The following SIGLEC15 variants were observed in gnomAD, a reference collection of about 807,000 sequenced individuals.
The protein encoded by SIGLEC15 is sialic acid-binding Ig-like lectin 15.
A neutral mutation model predicts 26.2 loss-of-function variants in SIGLEC15; 31 were observed. The ratio of observed to expected loss-of-function variants is 1.18; its 90% CI spans 0.89 to 1.60. The LOEUF is 1.60. Ranked by LOEUF, SIGLEC15 falls within the 40% of genes most tolerant of loss-of-function variation. The pLI, the probability that SIGLEC15 is intolerant of heterozygous loss-of-function variation, is 0.00. For synonymous variants in SIGLEC15, 207 were observed against 221.9 expected, an observed-to-expected ratio of 0.93 and a Z score of 0.60; for missense variants, 501 against 488.4, an observed-to-expected ratio of 1.03 and a Z score of -0.24.
intron 1 of SIGLEC15, among the ~76,000 whole-genome samples, chr18:45,835,949 G>A: frequency 6.6e-6 from 1 of 152,206 alleles, no homozygotes; most frequent in East Asian, 1.9e-4. Context: ...GTCATGACAA[G>A]ACCCTGCACG....
intron 1 of SIGLEC15, among the ~76,000 whole-genome samples, chr18:45,834,772 C>T (rs2048263038): frequency 6.6e-6 from 1 of 152,164 alleles, no homozygotes; most frequent in African/African-American, 2.4e-5. Context: ...GATGAATGCA[C>T]GATAGCAAAT....
At position 45,837,617 on chromosome 18, in the gene SIGLEC15, T is replaced by G; in HGVS notation, c.217T>G (p.Tyr73Asp). The change falls in exon 3 of 6, where the codon TAC (tyrosine) becomes GAC (aspartate). Residue 73 changes from tyrosine to aspartate, a missense_variant. Tyr to Asp is a radical substitution (Grantham distance 160). Coordinates refer to ENST00000389474, the MANE Select transcript of SIGLEC15 (RefSeq NM_213602.3). ...PCTFTHPHRH[Y>D]DGPLTAIWRA... is the part of the protein sequence containing the mutation. ...CACCTTCACGCACCCGCACCGCCAC[T>G]ACGACGGGCCGCTGACGGCCATCTG... is the stretch of plus-strand genomic sequence containing the variant. 1 of 1,509,020 alleles carries G rather than the reference T, an allele frequency of 6.6e-7. No homozygotes were observed. The highest frequency in any genetic ancestry group is 8.8e-7 in the Non-Finnish European group (1 of 1,136,454). The allele number at this position is 1,509,020 out of a possible 1,614,324, so 93.5% of individuals were successfully genotyped here.
chr18:45,829,255 C>A, intron 1 of SIGLEC15: 1 of 688,244 alleles, frequency 1.5e-6, no homozygotes, highest in Non-Finnish European at 1.8e-6. Flanking sequence ...GCCAGATAAC[C>A]CTGAAGCAGA....
chr18:45,827,641 G>C (rs936871337), intron 1 of SIGLEC15, among the ~76,000 whole-genome samples: 20 of 152,190 alleles, frequency 1.3e-4, no homozygotes, highest in Admixed American at 2.0e-4. Context: ...CTGCCACCTT[G>C]AAGAGGAGCT....
intron 5 of SIGLEC15, 39 bp downstream of exon 5, chr18:45,840,280 C>T: frequency 1.3e-6 from 2 of 1,591,842 alleles, no homozygotes; most frequent in Non-Finnish European, 1.7e-6. Context: ...CCTACCCCAC[C>T]CACCTAGTCC....
At chr18:45,837,196 G>A (rs1261232072) in intron 2 of SIGLEC15, 108 bp downstream of exon 2, 1 of 1,518,398 alleles carries the variant, frequency 6.6e-7, no homozygotes, top group African/African-American at 1.4e-5. Flanking sequence ...AAAAACTAAG[G>A]GTAAGAATAT....
chr18:45,832,563 C>A (rs1263813362), intron 1 of SIGLEC15, among the ~76,000 whole-genome samples: 1 of 152,180 alleles, frequency 6.6e-6, no homozygotes, highest in Non-Finnish European at 1.5e-5. Context: ...TCCAGCTGTG[C>A]CAAAGCTAGC....
rs563568515 is a variant in SIGLEC15, at chr18:45,830,475, G to A, written c.52+4695G>A. Reference sequence around the variant, plus strand: ...TGCAAGGAGGCATGAAGGGAGCTATGGGGGGAATTTCGCTATGAAAGACCA... The same window carrying A: ...TGCAAGGAGGCATGAAGGGAGCTATAGGGGGAATTTCGCTATGAAAGACCA... On this transcript the variant is annotated intron_variant, in intron 1 of 5. Coordinates refer to ENST00000389474, the MANE Select transcript of SIGLEC15 (RefSeq NM_213602.3). Among the ~76,000 whole-genome samples the A allele has an allele frequency of 5.3e-4, 81 of 152,272 alleles. 2 individuals carry two copies. Among genetic ancestry groups the A allele is most frequent in the Admixed American group, 1.3e-3 (20 of 15,296 alleles).
At position 45,825,790 on chromosome 18, in the gene SIGLEC15, T is replaced by G. The variant is rs115113388; in HGVS notation, c.52+10T>G. On this transcript the variant is annotated intron_variant, in intron 1 of 5. Coordinates refer to ENST00000389474, the MANE Select transcript of SIGLEC15 (RefSeq NM_213602.3). ...TGGGTTCTCCCGACAGGTGAGTGTC[T>G]GCTACTCTCTCTGGCCCATGCTCGG... 1,137 of 1,614,158 alleles carry G rather than the reference T, an allele frequency of 7.0e-4. 6 individuals are homozygous for G. In the African/African-American group the frequency reaches 0.014, roughly 19 times the overall value.
chr18:45,835,771 C>G (rs1018353349), intron 1 of SIGLEC15, among the ~76,000 whole-genome samples: 7 of 152,196 alleles, frequency 4.6e-5, no homozygotes, highest in Admixed American at 4.6e-4. Context: ...CCCAGGGCAG[C>G]ACTGTGGGAC....
intron 1 of SIGLEC15, among the ~76,000 whole-genome samples, chr18:45,826,708 T>C (rs974074154): frequency 2.0e-5 from 3 of 152,186 alleles, no homozygotes; most frequent in African/African-American, 7.2e-5. Flanking sequence ...CAACATTCCC[T>C]GTATGGGGTC....
chr18:45,841,882 C>G (rs1020135880), intron 5 of SIGLEC15, among the ~76,000 whole-genome samples: 1 of 152,118 alleles, frequency 6.6e-6, no homozygotes, highest in Non-Finnish European at 1.5e-5. Flanking sequence ...AGGCCTCAGA[C>G]AGAGATAGCA....
At chr18:45,841,961 T>A in intron 5 of SIGLEC15, 145 bp from the exon 6 acceptor site, 1 of 747,008 alleles carries the variant, frequency 1.3e-6, no homozygotes, top group East Asian at 2.7e-5. Context: ...CAGCCTCCGA[T>A]GCCATTCATC....
intron 4 of SIGLEC15, among the ~76,000 whole-genome samples, chr18:45,839,448 G>T (rs2048306740): frequency 6.6e-6 from 1 of 152,260 alleles, no homozygotes; most frequent in Non-Finnish European, 1.5e-5. Flanking sequence ...AAATAGCACC[G>T]TTCCTGAGGA....
At position 45,831,591 on chromosome 18, in the gene SIGLEC15, T is replaced by C. The variant is rs2048235072; in HGVS notation, c.53-5438T>C. On this transcript the variant is annotated intron_variant, in intron 1 of 5. Coordinates refer to ENST00000389474, the MANE Select transcript of SIGLEC15 (RefSeq NM_213602.3). Reference sequence around the variant, plus strand: ...ACCCAGCAGAGTCTCTAGCACATGGTAAACTCTCAATAAATACCTATTGAG... The same window carrying C: ...ACCCAGCAGAGTCTCTAGCACATGGCAAACTCTCAATAAATACCTATTGAG... 2.6e-5 allele frequency among the ~76,000 whole-genome samples: 4 copies of C among 152,210 alleles called. No homozygotes were observed. The South Asian group carries it at 8.3e-4, about 32-fold the overall frequency.
intron 1 of SIGLEC15, among the ~76,000 whole-genome samples, chr18:45,833,857 C>T (rs2048254626): frequency 6.6e-6 from 1 of 152,042 alleles, no homozygotes; most frequent in South Asian, 2.1e-4. Context: ...TAATGAAGCA[C>T]ATGACATGCT....
chr18:45,831,840 C>T (rs973614677), intron 1 of SIGLEC15, among the ~76,000 whole-genome samples: 9 of 151,696 alleles, frequency 5.9e-5, no homozygotes, highest in African/African-American at 1.5e-4. Flanking sequence ...CGGGTTCAAG[C>T]GGTTCTCCTG....
At chr18:45,837,223 C>T in intron 2 of SIGLEC15, 135 bp downstream of exon 2, 1 of 1,402,410 alleles carries the variant, frequency 7.1e-7, no homozygotes, top group Non-Finnish European at 9.4e-7. Context: ...AAGGGGCCTG[C>T]AGGTGAATTA....
Position 45,825,786 on chromosome 18 carries a change from T to A in SIGLEC15, c.52+6T>A. 6.2e-7 allele frequency: 1 copy of A among 1,614,176 alleles called. No individual in the cohort carries two copies. Among genetic ancestry groups the A allele is most frequent in the Non-Finnish European group, 8.5e-7 (1 of 1,180,012 alleles). On this transcript the variant is annotated splice_donor_region_variant and intron_variant, in intron 1 of 5. Transcript: ENST00000389474. ...GGCGTGGGTTCTCCCGACAGGTGAGTGTCTGCTACTCTCTCTGGCCCATGC... is the reference window on the plus strand; with the variant it reads ...GGCGTGGGTTCTCCCGACAGGTGAGAGTCTGCTACTCTCTCTGGCCCATGC...
Sources: allele counts gnomAD v4.1 joint callset (sites outside exome capture counted in the v4.1 genomes callset), GRCh38; gene constraint gnomAD v4.1.1; transcripts MANE v1.5; gene names NCBI Gene and HGNC (gene_info 2026-07-23, HGNC 2026-07-21).